The following UMAD1 variants were observed in gnomAD, a reference collection of about 807,000 sequenced individuals.
UMAD1 encodes UBAP1-MVB12-associated (UMA)-domain containing protein 1.
UMAD1 carries 8 observed loss-of-function variants against 6.1 expected under a neutral mutation model. The observed-to-expected ratio is 1.30, with a 90% CI of 0.76 to 2.35. The LOEUF (loss-of-function observed/expected upper bound fraction) is 2.35. Ranked by LOEUF, UMAD1 falls within the 30% of genes most tolerant of loss-of-function variation. UMAD1 has a pLI of 0.00. For missense variants in UMAD1, 130 were observed against 78.4 expected (o/e 1.66, Z -2.49); for synonymous variants, 56 against 31.4 (o/e 1.78, Z -2.61).
At chr7:7,697,115 T>C (rs1780339616) in intron 2 of UMAD1, among the ~76,000 whole-genome samples, 3 of 152,180 alleles carry the variant, frequency 2.0e-5, no homozygotes, top group Admixed American at 6.5e-5. Context: ...TTGTTTTGCT[T>C]TTCTTTTTAT....
chr7:7,646,808 C>A (rs139923470), intron 1 of UMAD1, among the ~76,000 whole-genome samples: 67 of 152,224 alleles, frequency 4.4e-4, no homozygotes, highest in African/African-American at 1.5e-3. Flanking sequence ...CTCTCCTCTG[C>A]TGCACCATTC....
chr7:7,684,721 A>C (rs943307722), intron 2 of UMAD1, among the ~76,000 whole-genome samples: 1 of 152,212 alleles, frequency 6.6e-6, no homozygotes, highest in African/African-American at 2.4e-5. Flanking sequence ...CCATAGTACA[A>C]CTATGAATTT....
chr7:7,844,771 T>G (rs1236595564), intron 3 of UMAD1, among the ~76,000 whole-genome samples: 2 of 152,180 alleles, frequency 1.3e-5, no homozygotes, highest in Non-Finnish European at 2.9e-5. Flanking sequence ...CAGTGCCATG[T>G]AAGATGCTAG....
chr7:7,819,370 G>T (rs1783198390), intron 3 of UMAD1, among the ~76,000 whole-genome samples: 1 of 152,012 alleles, frequency 6.6e-6, no homozygotes, highest in African/African-American at 2.4e-5. Flanking sequence ...TTTATATTAC[G>T]CTGTATCTGG....
intron 2 of UMAD1, among the ~76,000 whole-genome samples, chr7:7,709,768 A>G (rs1347660731): frequency 2.7e-5 from 4 of 150,500 alleles, no homozygotes; most frequent in Non-Finnish European, 6.0e-5. Flanking sequence ...AATTTGAAAA[A>G]TAACCTTTTA....
chr7:7,663,499 A>C (rs1346963701), intron 1 of UMAD1, among the ~76,000 whole-genome samples: 2 of 152,174 alleles, frequency 1.3e-5, no homozygotes, highest in Non-Finnish European at 2.9e-5. Flanking sequence ...TAAAAAACCT[A>C]GGTGGGACGG....
chr7:7,733,262 G>A (rs1311011013), intron 2 of UMAD1, among the ~76,000 whole-genome samples: 1 of 152,094 alleles, frequency 6.6e-6, no homozygotes, highest in African/African-American at 2.4e-5. Context: ...TGGTCTTGGT[G>A]TATAGTTTCA....
intron 2 of UMAD1, among the ~76,000 whole-genome samples, chr7:7,790,549 T>C (rs972571951): frequency 3.3e-5 from 5 of 152,204 alleles, no homozygotes; most frequent in African/African-American, 1.2e-4. Flanking sequence ...ACTATTGCTG[T>C]GTCTGCTTCT....
At chr7:7,768,619 A>G (rs554549952) in intron 2 of UMAD1, among the ~76,000 whole-genome samples, 54 of 152,056 alleles carry the variant, frequency 3.6e-4, no homozygotes, top group Admixed American at 1.1e-3. Flanking sequence ...GCTTCATTTT[A>G]TTCGCTCATG....
At chr7:7,833,472 G>A (rs760962208) in intron 3 of UMAD1, among the ~76,000 whole-genome samples, 1 of 152,162 alleles carries the variant, frequency 6.6e-6, no homozygotes, top group South Asian at 2.1e-4. Flanking sequence ...ACAAGCTGTA[G>A]ACATAAGAAA....
chr7:7,810,622 G>C (rs1033174276), intron 3 of UMAD1, among the ~76,000 whole-genome samples: 7 of 152,064 alleles, frequency 4.6e-5, no homozygotes, highest in Non-Finnish European at 8.8e-5. Context: ...CTTGCATTTG[G>C]GATGATAGCT....
intron 2 of UMAD1, among the ~76,000 whole-genome samples, chr7:7,745,367 A>C (rs189381064): frequency 1.5e-3 from 227 of 152,264 alleles, no homozygotes; most frequent in African/African-American, 5.1e-3. Flanking sequence ...TCTGATTTCT[A>C]ATTATATCAC....
chr7:7,826,645 G>A (rs1783347238), intron 3 of UMAD1, among the ~76,000 whole-genome samples: 2 of 152,054 alleles, frequency 1.3e-5, no homozygotes, highest in East Asian at 3.9e-4. Flanking sequence ...ATTACAAGAT[G>A]GTCACTGCAT....
chr7:7,799,279 G>T (rs772307812), intron 2 of UMAD1, among the ~76,000 whole-genome samples: 1 of 152,164 alleles, frequency 6.6e-6, no homozygotes, highest in Non-Finnish European at 1.5e-5. Context: ...AAACAATCTT[G>T]CAGATGGCAA....
chr7:7,714,607 C>G (rs1780845855), intron 2 of UMAD1, among the ~76,000 whole-genome samples: 1 of 152,112 alleles, frequency 6.6e-6, no homozygotes, highest in Admixed American at 6.5e-5. Flanking sequence ...TCTTTAAATT[C>G]TCATTTGCTT....
intron 3 of UMAD1, among the ~76,000 whole-genome samples, chr7:7,876,342 T>C (rs1784418975): frequency 6.6e-6 from 1 of 152,068 alleles, no homozygotes; most frequent in Admixed American, 6.6e-5. Flanking sequence ...GAAGCACACC[T>C]GGAGCCAGAT....
chr7:7,796,871 AC>A (rs1325711209), intron 2 of UMAD1, among the ~76,000 whole-genome samples: 1 of 151,374 alleles, frequency 6.6e-6, no homozygotes, highest in Non-Finnish European at 1.5e-5. Context: ...ACCCTTAAAA[AC>A]CCTACCCCCA....
intron 2 of UMAD1, among the ~76,000 whole-genome samples, chr7:7,713,478 T>C (rs1780817187): frequency 6.6e-6 from 1 of 151,818 alleles, no homozygotes; most frequent in African/African-American, 2.4e-5. Flanking sequence ...CTCCCCCCCA[T>C]GGCAATATTG....
chr7:7,734,674 A>C (rs2115195846), intron 2 of UMAD1, among the ~76,000 whole-genome samples: 1 of 152,326 alleles, frequency 6.6e-6, no homozygotes, highest in East Asian at 1.9e-4. Context: ...TGCTGAAACT[A>C]AATGCCTATC....
Sources: gnomAD v4.1 joint callset for allele counts (sites outside exome capture counted in the v4.1 genomes callset) on GRCh38, gnomAD v4.1.1 for gene constraint, MANE v1.5 for transcripts, NCBI Gene and HGNC (gene_info 2026-07-23, HGNC 2026-07-21) for gene names.